Variants in HK1 observed in about 807,000 individuals in gnomAD.
HK1 encodes the protein hexokinase 1.
In HK1, 28 loss-of-function variants were observed where a neutral mutation model predicts 91.6. That is an observed-to-expected ratio of 0.31 (90% CI 0.23 to 0.42). HK1 has a LOEUF of 0.42. HK1 is among the 10% of genes least tolerant of loss of function. HK1 has a pLI of 1.00. For missense variants in HK1, 770 were observed against 1,219.8 expected (o/e 0.63, Z 5.49); for synonymous variants, 430 against 468.1 (o/e 0.92, Z 1.05).
chr10:69,308,289 A>T (rs536493901), intron 5 of HK1, among the ~76,000 whole-genome samples: 1 of 152,266 alleles, frequency 6.6e-6, no homozygotes, highest in African/African-American at 2.4e-5. Context: ...GCAGCAGGAC[A>T]AGCTGCAGAC....
At chr10:69,345,565 A>G (rs1002732439) in intron 2 of HK1, among the ~76,000 whole-genome samples, 8 of 152,012 alleles carry the variant, frequency 5.3e-5, no homozygotes, top group Non-Finnish European at 7.4e-5. Context: ...GGGAGGGGGT[A>G]TGGGCAGCAC....
intron 7 of HK1, among the ~76,000 whole-genome samples, chr10:69,374,298 C>T (rs73267654): frequency 0.012 from 1,771 of 152,288 alleles, 31 homozygotes; most frequent in African/African-American, 0.041. Context: ...CATGACTTCT[C>T]GTGGTTGATG....
chr10:69,318,668 C>T (rs1846798352), upstream of HK1, among the ~76,000 whole-genome samples: 1 of 152,146 alleles, frequency 6.6e-6, no homozygotes, highest in Non-Finnish European at 1.5e-5. Flanking sequence ...CGCCGCGTCC[C>T]CGCTCCCCGG....
In HK1 at chr10:69,380,505, T is replaced by G. The variant is rs1839337446; in HGVS notation, c.1265+410T>G. On this transcript the variant is annotated intron_variant, in intron 9 of 17. Transcript: ENST00000359426. The surrounding 1 kb of genome is among the most constrained non-coding windows in gnomAD (Gnocchi z 4.0). ...GCTGTCGGCTCCTCTGGGTGGAATG[T>G]GTCTGTCTCTCGTCCGCATTTCATC... Among the ~76,000 whole-genome samples, 1 of 152,208 alleles carries G rather than the reference T, an allele frequency of 6.6e-6. No homozygotes were observed.
chr10:69,374,129 G>A (rs184903241), intron 7 of HK1, among the ~76,000 whole-genome samples: 1 of 152,340 alleles, frequency 6.6e-6, no homozygotes, highest in African/African-American at 2.4e-5. Flanking sequence ...GCACCCAGAT[G>A]CCTTTTCTTT....
Position 69,401,810 on chromosome 10 carries a change from A to G in HK1, c.*675A>G, listed in dbSNP as rs1764164644. 1 of 163,454 alleles carries G rather than the reference A, an allele frequency of 6.1e-6. No individual in the cohort carries two copies. The highest frequency in any genetic ancestry group is 1.3e-5 in the Non-Finnish European group (1 of 74,700). 10.1% of individuals were successfully genotyped at this position (163,454 alleles called of 1,614,324 possible). A position where few individuals can be genotyped will look rare whatever the true frequency, so the allele number is the denominator to read the frequency against. On this transcript the variant is annotated 3_prime_UTR_variant, in exon 18 of 18. Coordinates refer to ENST00000359426, the MANE Select transcript of HK1 (RefSeq NM_000188.3). ...GATAAAAGGAACCAACCAACAAACAATGCCATCACTGGAATTTCCCACCGC... is the reference window on the plus strand; with the variant it reads ...GATAAAAGGAACCAACCAACAAACAGTGCCATCACTGGAATTTCCCACCGC...
intron 2 of HK1, among the ~76,000 whole-genome samples, chr10:69,353,076 C>G (rs1188854479): frequency 6.6e-6 from 1 of 152,064 alleles, no homozygotes; most frequent in Non-Finnish European, 1.5e-5. Context: ...CTTGGAATTT[C>G]TTGGGTGATA....
At chr10:69,294,062 C>T (rs1002112578) in intron 3 of HK1, among the ~76,000 whole-genome samples, 10 of 151,812 alleles carry the variant, frequency 6.6e-5, no homozygotes, top group East Asian at 3.9e-4. Context: ...GGGGTTTCAC[C>T]GTGTTAGCCA....
At position 69,382,743 on chromosome 10, in the gene HK1, G is replaced by A. The variant is rs145718031; in HGVS notation, c.1522G>A (p.Val508Met). Residue 508 changes from valine to methionine, a missense_variant, in exon 10 of 18, where the codon GTG becomes ATG. Transcript: ENST00000359426. ...GAGGAAGCAGACGCACAACAATGCC[G>A]TGGTTAAGATGCTGCCCTCCTTCGT... ...GLRKQTHNNA[V>M]VKMLPSFVRR... 35 of 1,613,132 alleles carry A rather than the reference G, an allele frequency of 2.2e-5. No individual in the cohort carries two copies. The highest frequency in any genetic ancestry group is 5.3e-5 in the African/African-American group (4 of 74,932).
intron 1 of HK1, 105 bp from the exon 2 acceptor site, chr10:69,343,722 C>A: frequency 1.2e-6 from 1 of 843,882 alleles, no homozygotes; most frequent in Non-Finnish European, 2.1e-6. Flanking sequence ...TGCCAGCGTG[C>A]GTGTTCCTGT....
chr10:69,289,426 A>G (rs1368822345), intron 3 of HK1, among the ~76,000 whole-genome samples: 1 of 148,898 alleles, frequency 6.7e-6, no homozygotes, highest in Non-Finnish European at 1.5e-5. Context: ...TTATATTGCC[A>G]TGTAAAAATG....
intron 3 of HK1, among the ~76,000 whole-genome samples, chr10:69,361,959 A>C (rs1346957256): frequency 6.6e-6 from 1 of 152,154 alleles, no homozygotes; most frequent in Non-Finnish European, 1.5e-5. Context: ...CTGGAATTAC[A>C]GGCATGCGCC....
chr10:69,304,998 C>T (rs1846040536), intron 5 of HK1, among the ~76,000 whole-genome samples: 1 of 152,144 alleles, frequency 6.6e-6, no homozygotes, highest in Non-Finnish European at 1.5e-5. Context: ...TCCAGTGGCC[C>T]CAAGCGTTCC....
chr10:69,318,869 G>T lies in HK1; in HGVS notation c.-79G>T. 6.6e-7 allele frequency: 1 copy of T among 1,511,322 alleles called. No homozygotes were observed. The allele number at this position is 1,511,322 out of a possible 1,614,324, so 93.6% of individuals were successfully genotyped here. ...GAGGAGGAGGAGCCGCCGAGCAGCC[G>T]CCGGAGGACCACGGCTCGCCAGGGC... is the stretch of plus-strand genomic sequence containing the variant. On this transcript the variant is annotated 5_prime_UTR_variant, in exon 1 of 18. Coordinates refer to ENST00000359426, the MANE Select transcript of HK1 (RefSeq NM_000188.3).
chr10:69,288,289 A>G (rs970154711), intron 2 of HK1, among the ~76,000 whole-genome samples: 7 of 152,168 alleles, frequency 4.6e-5, no homozygotes. Flanking sequence ...ACCAGGCTCC[A>G]GGGAATTTCT....
chr10:69,389,680 G>T (rs1359653753), intron 14 of HK1, among the ~76,000 whole-genome samples: 1 of 151,956 alleles, frequency 6.6e-6, no homozygotes, highest in Non-Finnish European at 1.5e-5. Flanking sequence ...GGGGGATGGG[G>T]TGGGGAGGGA....
At position 69,363,872 on chromosome 10, in the gene HK1, T is replaced by C. The variant is rs139401168; in HGVS notation, c.376-911T>C. Among the ~76,000 whole-genome samples the C allele has an allele frequency of 2.8e-3, 423 of 152,358 alleles. 11 individuals are homozygous for C. Among genetic ancestry groups the C allele is most frequent in the Admixed American group, 0.023 (350 of 15,306 alleles). On this transcript the variant is annotated intron_variant, in intron 3 of 17. Coordinates refer to ENST00000359426, the MANE Select transcript of HK1 (RefSeq NM_000188.3). Reference sequence around the variant, plus strand: ...ATAACATGTTATAGCACAGGCAAGCTTAAGCTACAGTGCGGTAGATAAATT... The same window carrying C: ...ATAACATGTTATAGCACAGGCAAGCCTAAGCTACAGTGCGGTAGATAAATT...
At chr10:69,288,163 G>A (rs1048816774) in intron 2 of HK1, among the ~76,000 whole-genome samples, 6 of 152,072 alleles carry the variant, frequency 3.9e-5, no homozygotes, top group African/African-American at 1.4e-4. Context: ...TGGCCTTTTG[G>A]AGATGTCTTT....
At chr10:69,321,631 TGGGGACCATGCC>T (rs1234582045) in intron 1 of HK1, among the ~76,000 whole-genome samples, 1 of 152,230 alleles carries the variant, frequency 6.6e-6, no homozygotes, top group African/African-American at 2.4e-5. Context: ...GAAGGGAAGC[TGGGGACCATGCC>T]GGGGAAGTTT....
Sources: allele counts gnomAD v4.1 joint callset (sites outside exome capture counted in the v4.1 genomes callset), GRCh38; gene constraint gnomAD v4.1.1; non-coding constraint Gnocchi (gnomAD v3.1); transcripts MANE v1.5; gene names NCBI Gene and HGNC (gene_info 2026-07-23, HGNC 2026-07-21).